PCDHGA3: variants seen among roughly 807,000 people sequenced by gnomAD.
PCDHGA3 encodes the protein protocadherin gamma subfamily A, 3.
A neutral mutation model predicts 58.5 loss-of-function variants in PCDHGA3; 40 were observed. The ratio of observed to expected loss-of-function variants is 0.68; its 90% CI spans 0.53 to 0.89. The LOEUF (loss-of-function observed/expected upper bound fraction) is 0.89. Ranked by LOEUF, PCDHGA3 falls within the 40% of genes least tolerant of loss-of-function variation. The pLI is 0.00. For synonymous variants in PCDHGA3, 530 were observed against 525.7 expected (o/e 1.01, Z -0.11); for missense variants, 1,223 against 1,195.9 (o/e 1.02, Z -0.33).
intron 1 of PCDHGA3, chr5:141,364,358 T>A: frequency 6.4e-7 from 1 of 1,557,016 alleles, no homozygotes; most frequent in South Asian, 1.2e-5. Context: ...GGGCTGGGGC[T>A]GCGGAGAGCT....
intron 1 of PCDHGA3, chr5:141,372,614 C>T: frequency 1.2e-6 from 2 of 1,613,984 alleles, no homozygotes; most frequent in East Asian, 4.5e-5. Context: ...CTGGAGTTCT[C>T]CCCACCTACA....
Position 141,345,365 on chromosome 5 carries a change from C to T in PCDHGA3, c.1332C>T (p.Asp444=), listed in dbSNP as rs745346928. Reference sequence around the variant, plus strand: ...CTCACATCACCCTGCATGTGATTGACATCAATGACAACCCACCCACCTTCC... The same window carrying T: ...CTCACATCACCCTGCATGTGATTGATATCAATGACAACCCACCCACCTTCC... ...TETHITLHVI[D]INDNPPTFPH... The change falls in exon 1 of 4, where the codon GAC becomes GAT. Residue 444 remains aspartate, a synonymous_variant. Coordinates refer to ENST00000253812, the MANE Select transcript of PCDHGA3 (RefSeq NM_018916.4). 30 of 1,614,048 alleles carry T rather than the reference C, an allele frequency of 1.9e-5. No homozygotes were observed. The South Asian group carries it at 2.7e-4, about 15-fold the overall frequency.
At position 141,387,642 on chromosome 5, in the gene PCDHGA3, C is replaced by A. The variant is rs554256672; in HGVS notation, c.2424+41185C>A. The A allele has an allele frequency of 6.9e-5, 43 of 622,250 alleles. No homozygotes were observed. In the African/African-American group the frequency reaches 7.8e-4, roughly 11 times the overall value. 38.5% of individuals were successfully genotyped at this position (622,250 alleles called of 1,614,324 possible). On this transcript the variant is annotated intron_variant, in intron 1 of 3. Transcript: ENST00000253812. ...TGCTGACTCTGGGCGCCGCTGTTGG[C>A]CAAAGTGGAGAGCTTGGCGCTCCAG...
intron 1 of PCDHGA3, chr5:141,364,200 A>G: frequency 8.9e-7 from 1 of 1,126,004 alleles, no homozygotes; most frequent in Non-Finnish European, 1.2e-6. Flanking sequence ...CACACAGACC[A>G]GACAAGCTCC....
chr5:141,431,273 C>T lies in PCDHGA3; in HGVS notation c.2425-63534C>T, dbSNP rs752219345. 54 of 1,614,068 alleles carry T rather than the reference C, an allele frequency of 3.3e-5. No individual in the cohort carries two copies. Among genetic ancestry groups the T allele is most frequent in the Non-Finnish European group, 4.1e-5 (48 of 1,180,052 alleles). On this transcript the variant is annotated intron_variant, in intron 1 of 3. Transcript: ENST00000253812. The surrounding 1 kb of genome is among the most constrained non-coding windows in gnomAD (Gnocchi z 4.8). Reference sequence around the variant, plus strand: ...GAAGAACTCTCTGCAGAGCTACGAGCTCAGCCCGAACACTCACTTCTCCCT... The same window carrying T: ...GAAGAACTCTCTGCAGAGCTACGAGTTCAGCCCGAACACTCACTTCTCCCT...
At chr5:141,464,685 C>A (rs1283627323) in intron 1 of PCDHGA3, among the ~76,000 whole-genome samples, 1 of 152,006 alleles carries the variant, frequency 6.6e-6, no homozygotes, top group Non-Finnish European at 1.5e-5. Flanking sequence ...ATTAAAATTT[C>A]TCTTATTATG....
chr5:141,352,070 G>T lies in PCDHGA3; in HGVS notation c.2424+5613G>T, dbSNP rs747997460. ...ACACAACGCTTGGCTGTCCTACCAC[G>T]TGCTGCAGGCCAGCGAGCCCGGGCT... is the stretch of plus-strand genomic sequence containing the variant. On this transcript the variant is annotated intron_variant, in intron 1 of 3. Transcript: ENST00000253812. 3 of 1,605,388 alleles carry T rather than the reference G, an allele frequency of 1.9e-6. No homozygotes were observed. In the South Asian group the frequency reaches 3.3e-5, roughly 18 times the overall value.
At position 141,486,493 on chromosome 5, in the gene PCDHGA3, T is replaced by C. The variant is rs761905572; in HGVS notation, c.2425-8314T>C. The C allele has an allele frequency of 1.2e-6, 2 of 1,614,136 alleles. No homozygotes were observed. The highest frequency in any genetic ancestry group is 1.7e-6 in the Non-Finnish European group (2 of 1,179,960). Reference sequence around the variant, plus strand: ...ACCCTCCTCTCAGTACCCACAGAACTATTTTCCTCAATATTTCAGATGTGA... The same window carrying C: ...ACCCTCCTCTCAGTACCCACAGAACCATTTTCCTCAATATTTCAGATGTGA... On this transcript the variant is annotated intron_variant, in intron 1 of 3. Transcript: ENST00000253812. The surrounding 1 kb of genome is among the most constrained non-coding windows in gnomAD (Gnocchi z 5.0).
chr5:141,400,221 C>G (rs377228541), intron 1 of PCDHGA3: 1 of 1,614,060 alleles, frequency 6.2e-7, no homozygotes, highest in Non-Finnish European at 8.5e-7. Flanking sequence ...TCTCAGTGCT[C>G]TTCCTCCTGG....
intron 1 of PCDHGA3, chr5:141,423,660 G>T (rs765304048): frequency 1.3e-6 from 2 of 1,560,582 alleles, no homozygotes; most frequent in Non-Finnish European, 8.6e-7. Context: ...CAAGTAATCA[G>T]GTGAGATTTA....
At chr5:141,392,945 C>A in intron 1 of PCDHGA3, 2 of 1,613,916 alleles carry the variant, frequency 1.2e-6, no homozygotes, top group Non-Finnish European at 1.7e-6. Flanking sequence ...AAGGCTCCTT[C>A]GTGGGTAATA....
intron 1 of PCDHGA3, among the ~76,000 whole-genome samples, chr5:141,481,913 C>CAAAA (rs34114744): frequency 1.1e-5 from 1 of 90,846 alleles, no homozygotes; most frequent in African/African-American, 4.2e-5. Context: ...AACTCCATCT[C>CAAAA]AAAAAAAAAA....
rs2099746956 is a variant in PCDHGA3 at position 141,493,207 on chromosome 5, A to C, written c.2425-1600A>C. Among the ~76,000 whole-genome samples, 1 of 152,152 alleles carries C rather than the reference A, an allele frequency of 6.6e-6. No individual in the cohort carries two copies. The highest frequency in any genetic ancestry group is 2.4e-5 in the African/African-American group (1 of 41,442). On this transcript the variant is annotated intron_variant, in intron 1 of 3. Coordinates refer to ENST00000253812, the MANE Select transcript of PCDHGA3 (RefSeq NM_018916.4). The surrounding 1 kb of genome is among the most constrained non-coding windows in gnomAD (Gnocchi z 4.3). ...ATAACTCCTTTGAGAACCTCATCTC[A>C]TTTGCTCTTCCCACCATTGCTGTTG...
Position 141,490,365 on chromosome 5 carries a change from A to G in PCDHGA3, c.2425-4442A>G. The G allele has an allele frequency of 6.2e-7, 1 of 1,614,170 alleles. No individual in the cohort carries two copies. The highest frequency in any genetic ancestry group is 8.5e-7 in the Non-Finnish European group (1 of 1,180,030). On this transcript the variant is annotated intron_variant, in intron 1 of 3. Coordinates refer to ENST00000253812, the MANE Select transcript of PCDHGA3 (RefSeq NM_018916.4). The surrounding 1 kb of genome is among the most constrained non-coding windows in gnomAD (Gnocchi z 5.4). ...CAGTAGTGGGGTTGTTTAATGTGCG[A>G]GACCGGGACTCAGGTAGAAATGGTG...
chr5:141,453,546 C>T lies in PCDHGA3; in HGVS notation c.2425-41261C>T, dbSNP rs116481133. Among the ~76,000 whole-genome samples, 695 of 152,296 alleles carry T rather than the reference C, an allele frequency of 4.6e-3. 4 individuals are homozygous for T. Among genetic ancestry groups the T allele is most frequent in the African/African-American group, 0.015 (634 of 41,558 alleles). On this transcript the variant is annotated intron_variant, in intron 1 of 3. Transcript: ENST00000253812. ...TACCTTCTGCCTCATTCACACCACA[C>T]TCTGTAGATAATCGATTTCATTAGT...
At chr5:141,378,354 C>T (rs994186879) in intron 1 of PCDHGA3, 5 of 152,210 alleles carry the variant, frequency 3.3e-5, no homozygotes, top group African/African-American at 1.2e-4. Flanking sequence ...GAAACCCCGT[C>T]TCTACTAAAA....
rs1276134508 is a variant in PCDHGA3, at chr5:141,344,995, C to T, written c.962C>T (p.Ala321Val). 45 of 1,613,792 alleles carry T rather than the reference C, an allele frequency of 2.8e-5. No homozygotes were observed. The highest frequency in any genetic ancestry group is 3.6e-5 in the Non-Finnish European group (42 of 1,179,862). ...ATGTTCTATGAAATTAAAATTGAAG[C>T]ACAGGATGGACCAGGTCTTCTTTCA... ...DAMFYEIKIE[A>V]QDGPGLLSRA... The change falls in exon 1 of 4, where the codon GCA (alanine) becomes GTA (valine). Residue 321 changes from alanine to valine, a missense_variant. Transcript: ENST00000253812.
intron 1 of PCDHGA3, chr5:141,415,755 T>TTTG: frequency 1.4e-6 from 2 of 1,387,632 alleles, no homozygotes; most frequent in Middle Eastern, 2.6e-4. Context: ...TTTTTTTTTT[T>TTTG]TTTTTTTTTT....
intron 1 of PCDHGA3, chr5:141,427,539 A>G: frequency 1.6e-6 from 1 of 632,868 alleles, no homozygotes; most frequent in Non-Finnish European, 2.9e-6. Context: ...GTACAACGTC[A>G]CCATCACTGC....
Sources: gnomAD v4.1 joint callset for allele counts (sites outside exome capture counted in the v4.1 genomes callset) on GRCh38, gnomAD v4.1.1 for gene constraint, Gnocchi (gnomAD v3.1) non-coding constraint, MANE v1.5 for transcripts, NCBI Gene and HGNC (gene_info 2026-07-23, HGNC 2026-07-21) for gene names.